GALNT13: variants seen among roughly 807,000 people sequenced by gnomAD.
GALNT13 encodes the protein polypeptide N-acetylgalactosaminyltransferase 13, also known as UDP-GalNAc:polypeptide N-acetylgalactosaminyltransferase 13.
Under a neutral mutation model 64.2 loss-of-function variants are expected in GALNT13, and 28 were observed. The observed-to-expected ratio is 0.44, with a 90% confidence interval of 0.32 to 0.60. The LOEUF is 0.60. GALNT13 is among the 20% of genes least tolerant of loss of function. The probability of loss-of-function intolerance (pLI) is 0.05; values close to 1 mark genes in which losing one functional copy is unlikely to be tolerated. For missense variants in GALNT13, 577 were observed against 669.8 expected (o/e 0.86, Z 1.53); for synonymous variants, 214 against 224.6 (o/e 0.95, Z 0.42).
chr2:153,624,162 A>G, the GALNT13 span, among the ~76,000 whole-genome samples: 1 of 152,108 alleles, frequency 6.6e-6, no homozygotes, highest in Non-Finnish European at 1.5e-5. Flanking sequence ...TAAGGATTCC[A>G]AAGTTAACTG....
chr2:154,393,807 G>A (rs1001864413), intron 9 of GALNT13, among the ~76,000 whole-genome samples: 4 of 151,922 alleles, frequency 2.6e-5, no homozygotes, highest in Non-Finnish European at 4.4e-5. Flanking sequence ...GGCCGGGCGC[G>A]GTGGCTCACG....
the GALNT13 span, among the ~76,000 whole-genome samples, chr2:153,721,422 G>A: frequency 2.1e-5 from 3 of 144,440 alleles, no homozygotes; most frequent in East Asian, 6.1e-4. Context: ...AAAATCACCA[G>A]CTAACATCAT....
chr2:153,305,907 C>A, the GALNT13 span, among the ~76,000 whole-genome samples: 4 of 152,188 alleles, frequency 2.6e-5, no homozygotes, highest in Non-Finnish European at 5.9e-5. Context: ...GCTAAAGCAT[C>A]TTCACTGGAC....
At chr2:154,340,903 T>C (rs940251353) in intron 9 of GALNT13, among the ~76,000 whole-genome samples, 2 of 141,972 alleles carry the variant, frequency 1.4e-5, no homozygotes, top group Admixed American at 1.4e-4. Context: ...TGTATGAGTG[T>C]GTGTGTGTGT....
the GALNT13 span, among the ~76,000 whole-genome samples, chr2:153,298,780 C>G: frequency 1.4e-4 from 21 of 152,140 alleles, no homozygotes; most frequent in Non-Finnish European, 8.8e-5. Flanking sequence ...GAAAACCTTT[C>G]AAGCAGTTTA....
chr2:154,116,899 A>G (rs1430821523), intron 3 of GALNT13, among the ~76,000 whole-genome samples: 2 of 152,144 alleles, frequency 1.3e-5, no homozygotes, highest in African/African-American at 4.8e-5. Flanking sequence ...AGATAGTTAG[A>G]TAGATATAAA....
chr2:153,670,573 A>C, the GALNT13 span, among the ~76,000 whole-genome samples: 1 of 152,254 alleles, frequency 6.6e-6, no homozygotes, highest in Non-Finnish European at 1.5e-5. Context: ...CCAAAGGTAG[A>C]TAAAACCGCA....
chr2:153,608,971 C>T, the GALNT13 span, among the ~76,000 whole-genome samples: 1 of 143,736 alleles, frequency 7.0e-6, no homozygotes, highest in Non-Finnish European at 1.5e-5. Context: ...GGCTAGAGTG[C>T]AGTGGCGAAA....
intron 3 of GALNT13, among the ~76,000 whole-genome samples, chr2:154,098,219 G>A (rs1702172225): frequency 6.6e-6 from 1 of 151,580 alleles, no homozygotes; most frequent in Non-Finnish European, 1.5e-5. Context: ...CCAGCTGAGT[G>A]ATAATTCAGA....
At chr2:153,782,197 C>T in the GALNT13 span, among the ~76,000 whole-genome samples, 1 of 152,168 alleles carries the variant, frequency 6.6e-6, no homozygotes, top group African/African-American at 2.4e-5. Flanking sequence ...GAAATGCCTT[C>T]ATGCATTGAT....
the GALNT13 span, among the ~76,000 whole-genome samples, chr2:153,787,671 A>G: frequency 6.6e-6 from 1 of 152,218 alleles, no homozygotes; most frequent in Admixed American, 6.5e-5. Context: ...ATACTGTAAC[A>G]TAATCCAAGG....
At chr2:153,193,332 A>C in the GALNT13 span, among the ~76,000 whole-genome samples, 1 of 151,510 alleles carries the variant, frequency 6.6e-6, no homozygotes, top group African/African-American at 2.4e-5. Context: ...CATTCTCAGT[A>C]AACTATCGCA....
intron 3 of GALNT13, among the ~76,000 whole-genome samples, chr2:154,046,497 C>A (rs1519213): frequency 0.38 from 57,112 of 151,928 alleles, 11,231 homozygotes; most frequent in Middle Eastern, 0.61. Context: ...ACCTAACAAA[C>A]CACTCTTTTA....
chr2:154,022,116 T>G (rs1347481884), intron 3 of GALNT13, among the ~76,000 whole-genome samples: 2 of 152,234 alleles, frequency 1.3e-5, no homozygotes, highest in Non-Finnish European at 2.9e-5. Context: ...AGTATTTTAT[T>G]GAGGATTTTT....
chr2:153,542,974 A>G, the GALNT13 span, among the ~76,000 whole-genome samples: 2 of 152,222 alleles, frequency 1.3e-5, no homozygotes, highest in Non-Finnish European at 2.9e-5. Flanking sequence ...TTTGTGTGCA[A>G]TGCATATTAT....
intron 1 of GALNT13, among the ~76,000 whole-genome samples, chr2:153,890,322 T>C (rs774807836): frequency 1.3e-5 from 2 of 152,022 alleles, no homozygotes; most frequent in Non-Finnish European, 2.9e-5. Flanking sequence ...TGGGAAAATA[T>C]GTGCCTCATT....
chr2:154,437,418 TCTTTGAGAAACAAAAAGACCCTG>T, intron 11 of GALNT13: 1 of 574,754 alleles, frequency 1.7e-6, no homozygotes, highest in Non-Finnish European at 2.5e-6. Context: ...TCATCAGATA[TCTTTGAGAAACAAAAAGACCCTG>T]ACATGACCTT....
the GALNT13 span, chr2:153,159,522 AG>A: frequency 2.6e-4 from 39 of 152,714 alleles, no homozygotes; most frequent in African/African-American, 8.9e-4. Context: ...AAGGAGGTAA[AG>A]AATCACCTGT....
At chr2:154,312,171 T>G (rs1223218070) in intron 9 of GALNT13, among the ~76,000 whole-genome samples, 1 of 150,150 alleles carries the variant, frequency 6.7e-6, no homozygotes, top group Non-Finnish European at 1.5e-5. Context: ...AATTTATGTT[T>G]AGAGATTGCA....
Sources: allele counts gnomAD v4.1 joint callset (sites outside exome capture counted in the v4.1 genomes callset), GRCh38; gene constraint gnomAD v4.1.1; transcripts MANE v1.5; gene names NCBI Gene and HGNC (gene_info 2026-07-23, HGNC 2026-07-21).